STRA6: variants seen among roughly 807,000 people sequenced by gnomAD.
STRA6 encodes signaling receptor and transporter of retinol STRA6, also known as receptor for retinol uptake STRA6.
A neutral mutation model predicts 83.6 loss-of-function variants in STRA6; 48 were observed. The ratio of observed to expected loss-of-function variants is 0.57; its 90% CI spans 0.46 to 0.73. STRA6 has a LOEUF of 0.73. Ranked by LOEUF, STRA6 falls within the 30% of genes least tolerant of loss-of-function variation. The probability of loss-of-function intolerance (pLI) is 0.00; values close to 1 mark genes in which losing one functional copy is unlikely to be tolerated. For synonymous variants in STRA6, 353 were observed against 362.3 expected (o/e 0.97, Z 0.29); for missense variants, 760 against 838.8 (o/e 0.91, Z 1.16).
At chr15:74,209,927 C>T (rs2074344832), upstream of STRA6, among the ~76,000 whole-genome samples, 1 of 152,106 alleles carries the variant, frequency 6.6e-6, no homozygotes, top group Non-Finnish European at 1.5e-5. Flanking sequence ...AAAGGGAGTG[C>T]CATCTATAAA....
At chr15:74,181,074 A>ACAT in intron 17 of STRA6, 137 bp from the exon 18 acceptor site, 1 of 1,403,412 alleles carries the variant, frequency 7.1e-7, no homozygotes, top group Non-Finnish European at 9.8e-7. Context: ...AGCACGTGGC[A>ACAT]CATTGGCTGC....
intron 12 of STRA6, among the ~76,000 whole-genome samples, chr15:74,186,600 T>C (rs1233608718): frequency 1.3e-5 from 2 of 150,468 alleles, no homozygotes. Flanking sequence ...AGAATGAGAC[T>C]CCGTCTCAAA....
chr15:74,211,727 GTCC>G (rs1322535241), upstream of STRA6, among the ~76,000 whole-genome samples: 15 of 151,872 alleles, frequency 9.9e-5, no homozygotes, highest in Non-Finnish European at 2.2e-4. Context: ...CTATCTGGTT[GTCC>G]TCCTGTCTGC....
chr15:74,185,035 C>T lies in STRA6; in HGVS notation c.1111G>A (p.Val371Ile). The change falls in exon 13 of 19, where the codon GTC becomes ATC. Residue 371 changes from valine to isoleucine, a missense_variant. Coordinates refer to ENST00000395105, the MANE Select transcript of STRA6 (RefSeq NM_022369.4). ...AGGAAGGTGAGTAAGCAGGACAAGA[C>T]CAAGGCTGAGATGTAGCACACTGGT... is the stretch of plus-strand genomic sequence containing the variant. Reference protein sequence around the residue: ...ALEVCYISALVLSCLLTFLVL... With the variant: ...ALEVCYISALILSCLLTFLVL... The T allele has an allele frequency of 6.2e-7, 1 of 1,614,052 alleles. No individual in the cohort carries two copies. Among genetic ancestry groups the T allele is most frequent in the Non-Finnish European group, 8.5e-7 (1 of 1,179,996 alleles).
rs184169953 is a variant in STRA6 at position 74,193,210 on chromosome 15, G to C, written c.720+590C>G. Among the ~76,000 whole-genome samples the C allele has an allele frequency of 3.4e-4, 52 of 152,176 alleles. No homozygotes were observed. In the East Asian group the frequency reaches 7.9e-3, roughly 23 times the overall value. Reference sequence around the variant, plus strand: ...ACCCACCCAGTGCTGCAAATATAATGAACAAAACAGACACAAAACTATCTC... The same window carrying C: ...ACCCACCCAGTGCTGCAAATATAATCAACAAAACAGACACAAAACTATCTC... On this transcript the variant is annotated intron_variant, in intron 8 of 18. Coordinates refer to ENST00000395105, the MANE Select transcript of STRA6 (RefSeq NM_022369.4).
chr15:74,180,289 C>A, intron 18 of STRA6, 46 bp from the exon 19 acceptor site: 1 of 1,612,470 alleles, frequency 6.2e-7, no homozygotes, highest in South Asian at 1.1e-5. Flanking sequence ...AACACCCAGC[C>A]AACCCTCCCT....
Position 74,193,810 on chromosome 15 carries a change from G to C in STRA6, c.710C>G (p.Ala237Gly). The C allele has an allele frequency of 6.2e-7, 1 of 1,613,800 alleles. No individual in the cohort carries two copies. The highest frequency in any genetic ancestry group is 8.5e-7 in the Non-Finnish European group (1 of 1,179,764). The change falls in exon 8 of 19, where the codon GCA (alanine) becomes GGA (glycine). Residue 237 changes from alanine to glycine, a missense_variant. Physicochemically the swap from Ala to Gly is moderately conservative, Grantham distance 60 (BLOSUM62 0). Transcript: ENST00000395105. Reference protein sequence around the residue: ...LVRSFSRRTGAGSKGLQSSYS... With the variant: ...LVRSFSRRTGGGSKGLQSSYS... ...GGCCTGCCCCTTTACCTTGGAGCCT[G>C]CTCCTGTCCTACGGCTGAAGCTTCT... is the stretch of plus-strand genomic sequence containing the variant.
rs113460992 is a variant in STRA6, at chr15:74,193,966, C to T, written c.598-44G>A. On this transcript the variant is annotated intron_variant, in intron 7 of 18. Transcript: ENST00000395105. ...AGACAGACTACTTTCCACCTTCTTC[C>T]CCCAGCCAAGAACCAGAATCCGTTG... 19 of 1,606,942 alleles carry T rather than the reference C, an allele frequency of 1.2e-5. No homozygotes were observed. The African/African-American group carries it at 1.3e-4, about 11-fold the overall frequency.
At chr15:74,187,283 TCACA>T (rs1451803711) in intron 12 of STRA6, among the ~76,000 whole-genome samples, 5 of 152,170 alleles carry the variant, frequency 3.3e-5, no homozygotes, top group African/African-American at 1.2e-4. Flanking sequence ...ACCCCAGCAC[TCACA>T]CAATCTTCCT....
intron 2 of STRA6, among the ~76,000 whole-genome samples, chr15:74,198,577 CT>C (rs1465944913): frequency 6.6e-6 from 1 of 152,228 alleles, no homozygotes; most frequent in African/African-American, 2.4e-5. Context: ...TCGCCCTCTA[CT>C]CACTGCCATC....
At position 74,182,222 on chromosome 15, in the gene STRA6, T is replaced by A; in HGVS notation, c.1459A>T (p.Asn487Tyr). The A allele has an allele frequency of 1.9e-6, 3 of 1,614,142 alleles. No homozygotes were observed. Among genetic ancestry groups the A allele is most frequent in the Non-Finnish European group, 2.5e-6 (3 of 1,180,004 alleles). Residue 487 changes from asparagine to tyrosine, a missense_variant, in exon 16 of 19, where the codon AAC becomes TAC. By Grantham distance (143) the Asn-to-Tyr change is moderately radical (BLOSUM62 -2). Coordinates refer to ENST00000395105, the MANE Select transcript of STRA6 (RefSeq NM_022369.4). ...LTLALAVILQ[N>Y]MAAHWVFLET... ...AGGAAGACCCAATGGGCTGCCATGT[T>A]CTGCAGGATCACAGCCAGGGCCAAA...
chr15:74,185,151 TC>T (rs1327133194), intron 12 of STRA6, 96 bp from the exon 13 acceptor site: 6 of 1,221,956 alleles, frequency 4.9e-6, no homozygotes, highest in Admixed American at 1.9e-5. Context: ...TGTGGGGAGT[TC>T]CCCCTGCCCC....
At position 74,197,139 on chromosome 15, in the gene STRA6, G is replaced by A. The variant is rs1377912216; in HGVS notation, c.266+199C>T. On this transcript the variant is annotated intron_variant, in intron 4 of 18. Transcript: ENST00000395105. ...TCCTTTCTCCCAGGCGGGCTTGAGC[G>A]AGTCCCTCCCCCTTCCTCTGGGGGT... is the stretch of plus-strand genomic sequence containing the variant. Among the ~76,000 whole-genome samples, 4 of 152,132 alleles carry A rather than the reference G, an allele frequency of 2.6e-5. No individual in the cohort carries two copies. The East Asian group carries it at 5.8e-4, about 22-fold the overall frequency.
chr15:74,198,406 C>T lies in STRA6; in HGVS notation c.114-588G>A, dbSNP rs147164921. On this transcript the variant is annotated intron_variant, in intron 2 of 18. Coordinates refer to ENST00000395105, the MANE Select transcript of STRA6 (RefSeq NM_022369.4). The stretch of plus-strand genomic sequence containing the variant: ...GATTACAGGTGTGAGCCACTGTGCC[C>T]GGCTGAGCACTTATTCTTGCTCACC... Among the ~76,000 whole-genome samples, 1,154 of 152,288 alleles carry T rather than the reference C, an allele frequency of 7.6e-3. 41 individuals are homozygous for T. The highest frequency in any genetic ancestry group is 0.066 in the Admixed American group (1,015 of 15,302).
chr15:74,183,944 A>C lies in STRA6; in HGVS notation c.1212T>G (p.Ser404Arg). 2 of 1,613,808 alleles carry C rather than the reference A, an allele frequency of 1.2e-6. No individual in the cohort carries two copies. The highest frequency in any genetic ancestry group is 2.2e-5 in the East Asian group (1 of 44,868). Reference sequence around the variant, plus strand: ...AGGGATGGGGACTCCGATGCAAGGGACTCAAGTCCAGGGCAGCTCCTCGGT... The same window carrying C: ...AGGGATGGGGACTCCGATGCAAGGGCCTCAAGTCCAGGGCAGCTCCTCGGT... ...ALHRGAALDL[S>R]PLHRSPHPSR... Residue 404 changes from serine to arginine, a missense_variant, in exon 14 of 19, where the codon AGT becomes AGG. Ser to Arg is a moderately radical substitution (Grantham distance 110, BLOSUM62 -1). Coordinates refer to ENST00000395105, the MANE Select transcript of STRA6 (RefSeq NM_022369.4).
intron 16 of STRA6, among the ~76,000 whole-genome samples, 192 bp downstream of exon 16, chr15:74,181,969 T>C (rs376959554): frequency 6.6e-6 from 1 of 152,126 alleles, no homozygotes; most frequent in African/African-American, 2.4e-5. Flanking sequence ...GCCGGGTATG[T>C]AGAGAGGTAC....
chr15:74,202,022 G>T (rs1368157118), intron 2 of STRA6, 133 bp downstream of exon 2: 7 of 1,138,242 alleles, frequency 6.1e-6, no homozygotes, highest in South Asian at 3.2e-5. Flanking sequence ...CTTGCCCAAG[G>T]TCACACAGCA....
intron 11 of STRA6, 22 bp downstream of exon 11, chr15:74,190,818 C>A: frequency 6.2e-7 from 1 of 1,613,886 alleles, no homozygotes; most frequent in Non-Finnish European, 8.5e-7. Flanking sequence ...AGGCAGATGG[C>A]AGTACAGGGT....
At chr15:74,182,125 G>A (rs1406826607) in intron 16 of STRA6, 36 bp downstream of exon 16, 4 of 1,571,538 alleles carry the variant, frequency 2.5e-6, no homozygotes, top group African/African-American at 1.4e-5. Context: ...AAGAGGCGAG[G>A]GCCTGAGGGA....
Sources: gnomAD v4.1 joint callset for allele counts (sites outside exome capture counted in the v4.1 genomes callset) on GRCh38, gnomAD v4.1.1 for gene constraint, MANE v1.5 for transcripts, NCBI Gene and HGNC (gene_info 2026-07-23, HGNC 2026-07-21) for gene names.